The following SH3BP5 variants were observed in gnomAD, a reference collection of about 807,000 sequenced individuals.
SH3BP5 encodes the protein SH3 domain binding protein 5, also known as SH3 domain-binding protein 5.
A neutral mutation model predicts 43.3 loss-of-function variants in SH3BP5; 22 were observed. The ratio of observed to expected loss-of-function variants is 0.51; its 90% CI spans 0.36 to 0.73. The LOEUF is 0.73. Among genes scored for constraint, SH3BP5 ranks in the 30% least tolerant of loss-of-function variants. SH3BP5 has a pLI of 0.00. For missense variants in SH3BP5, 529 were observed against 586.9 expected (o/e 0.90, Z 1.02); for synonymous variants, 255 against 225.8 (o/e 1.13, Z -1.16).
At chr3:15,330,036 G>A (rs1190706872) in intron 2 of SH3BP5, among the ~76,000 whole-genome samples, 1 of 152,244 alleles carries the variant, frequency 6.6e-6, no homozygotes, top group Non-Finnish European at 1.5e-5. Context: ...GAGCAGGGAA[G>A]CAGAAGGAGG....
In SH3BP5 at chr3:15,295,595, C is replaced by T. The variant is rs372788837; in HGVS notation, c.330+8508G>A. On this transcript the variant is annotated intron_variant, in intron 3 of 8. Coordinates refer to ENST00000383791, the MANE Select transcript of SH3BP5 (RefSeq NM_004844.5). ...GAAAATGCTTGCGTTAGATGAGCTT[C>T]GTTCAGGCAGAAGTTATACCACTGT... Among the ~76,000 whole-genome samples, 4 of 152,278 alleles carry T rather than the reference C, an allele frequency of 2.6e-5. No homozygotes were observed. In the East Asian group the frequency reaches 5.8e-4, roughly 22 times the overall value.
In SH3BP5 at chr3:15,282,026, C is replaced by T. The variant is rs561942416; in HGVS notation, c.331-12149G>A. The stretch of plus-strand genomic sequence containing the variant: ...ACGGTCCCCTCCCCCAAAAAAAGCA[C>T]ATTTTGATGCCTTGCACAAAACTGG... On this transcript the variant is annotated intron_variant, in intron 3 of 8. Coordinates refer to ENST00000383791, the MANE Select transcript of SH3BP5 (RefSeq NM_004844.5). 7.9e-5 allele frequency among the ~76,000 whole-genome samples: 12 copies of T among 152,156 alleles called. No homozygotes were observed. In the South Asian group the frequency reaches 2.3e-3, roughly 29 times the overall value.
chr3:15,294,270 TTTC>T (rs1438754107), intron 3 of SH3BP5, among the ~76,000 whole-genome samples: 2 of 150,784 alleles, frequency 1.3e-5, no homozygotes, highest in African/African-American at 4.9e-5. Flanking sequence ...TAAGCCCCAG[TTTC>T]TTCTTCTGCA....
At chr3:15,265,557 CACAA>C (rs1188405187) in intron 4 of SH3BP5, among the ~76,000 whole-genome samples, 3 of 144,306 alleles carry the variant, frequency 2.1e-5, no homozygotes, top group African/African-American at 5.1e-5. Context: ...CACACACACA[CACAA>C]CCCTCCAGCT....
At chr3:15,256,781 A>G in intron 8 of SH3BP5, 72 bp downstream of exon 8, 1 of 1,509,206 alleles carries the variant, frequency 6.6e-7, no homozygotes, top group East Asian at 2.3e-5. Context: ...TGGCAGAGGT[A>G]TGGAATGGCA....
chr3:15,262,442 G>A (rs999774877), intron 4 of SH3BP5, among the ~76,000 whole-genome samples, 153 bp from the exon 5 acceptor site: 1 of 152,158 alleles, frequency 6.6e-6, no homozygotes, highest in East Asian at 1.9e-4. Context: ...GGTGGATCAC[G>A]AGGTCAGGAG....
At chr3:15,332,004 A>C in intron 1 of SH3BP5, 1 of 454,550 alleles carries the variant, frequency 2.2e-6, no homozygotes, top group Non-Finnish European at 3.9e-6. Flanking sequence ...CACCCGAACC[A>C]CCAGGCACGC....
At chr3:15,340,099 T>G (rs1174270041) in intron 1 of SH3BP5, among the ~76,000 whole-genome samples, 1 of 152,142 alleles carries the variant, frequency 6.6e-6, no homozygotes, top group African/African-American at 2.4e-5. Flanking sequence ...CAGCCCTCAC[T>G]TCCTTATCCA....
intron 3 of SH3BP5, among the ~76,000 whole-genome samples, chr3:15,301,638 T>C (rs1252749027): frequency 6.6e-6 from 1 of 152,064 alleles, no homozygotes; most frequent in East Asian, 1.9e-4. Flanking sequence ...GATAGACATT[T>C]GAGCAGAAAC....
At chr3:15,292,709 G>A (rs1193572676) in intron 3 of SH3BP5, among the ~76,000 whole-genome samples, 7 of 152,136 alleles carry the variant, frequency 4.6e-5, no homozygotes, top group African/African-American at 1.4e-4. Flanking sequence ...TTAGCTGGGC[G>A]TGGTGGCGCA....
intron 3 of SH3BP5, among the ~76,000 whole-genome samples, chr3:15,283,125 C>T (rs1225854039): frequency 1.3e-5 from 2 of 152,288 alleles, no homozygotes; most frequent in East Asian, 1.9e-4. Flanking sequence ...AGACCAGGTG[C>T]GGTGGCTCAC....
At chr3:15,328,329 A>C (rs532113310) in intron 2 of SH3BP5, among the ~76,000 whole-genome samples, 1 of 152,110 alleles carries the variant, frequency 6.6e-6, no homozygotes, top group East Asian at 1.9e-4. Flanking sequence ...AAGTAAGCAC[A>C]CTTGGGGCTG....
intron 4 of SH3BP5, among the ~76,000 whole-genome samples, chr3:15,266,117 C>G (rs1211855911): frequency 6.6e-6 from 1 of 152,226 alleles, no homozygotes; most frequent in African/African-American, 2.4e-5. Context: ...CACAGAGGGG[C>G]GGTCAGGAGC....
upstream of SH3BP5, chr3:15,333,139 G>T: frequency 1.0e-6 from 1 of 985,468 alleles, no homozygotes; most frequent in Non-Finnish European, 1.2e-6. Flanking sequence ...TAAGGAGGTG[G>T]CAAGTGTAAC....
intron 2 of SH3BP5, among the ~76,000 whole-genome samples, chr3:15,329,898 T>C (rs1179426391): frequency 1.3e-5 from 2 of 152,208 alleles, no homozygotes; most frequent in Non-Finnish European, 2.9e-5. Flanking sequence ...CATTGGAAAA[T>C]GCACATGAAA....
intron 2 of SH3BP5, among the ~76,000 whole-genome samples, chr3:15,311,012 T>G (rs1022753185): frequency 2.6e-5 from 4 of 152,178 alleles, no homozygotes; most frequent in Non-Finnish European, 5.9e-5. Context: ...TCAATTACCT[T>G]GCCTGGAAAC....
At chr3:15,269,230 C>A (rs544637819) in intron 4 of SH3BP5, among the ~76,000 whole-genome samples, 178 of 152,212 alleles carry the variant, frequency 1.2e-3, no homozygotes, top group Non-Finnish European at 2.2e-3. Context: ...GAATCCCAGC[C>A]CAGAAGGCCT....
At chr3:15,333,118 G>C (rs2124836630), upstream of SH3BP5, 2 of 985,502 alleles carry the variant, frequency 2.0e-6, no homozygotes, top group African/African-American at 1.7e-5. Flanking sequence ...AGAATGCATT[G>C]AGCTGGGATT....
chr3:15,280,936 T>C (rs561388491), intron 3 of SH3BP5, among the ~76,000 whole-genome samples: 1 of 152,360 alleles, frequency 6.6e-6, no homozygotes, highest in Admixed American at 6.5e-5. Context: ...GCCACGAACC[T>C]GGTCATTGCC....
Sources: gnomAD v4.1 joint callset for allele counts (sites outside exome capture counted in the v4.1 genomes callset) on GRCh38, gnomAD v4.1.1 for gene constraint, MANE v1.5 for transcripts, NCBI Gene and HGNC (gene_info 2026-07-23, HGNC 2026-07-21) for gene names.